The following PPP1R9B variants were observed in gnomAD, a reference collection of about 807,000 sequenced individuals.
PPP1R9B encodes the protein neurabin-2.
PPP1R9B carries 17 observed loss-of-function variants against 75.8 expected under a neutral mutation model. The observed-to-expected ratio is 0.22, with a 90% CI of 0.15 to 0.34. PPP1R9B has a LOEUF of 0.34. Among genes scored for constraint, PPP1R9B ranks in the 10% least tolerant of loss-of-function variants. The pLI is 1.00. For synonymous variants in PPP1R9B, 509 were observed against 535.4 expected (o/e 0.95, Z 0.68); for missense variants, 875 against 1,196.0 (o/e 0.73, Z 3.96).
chr17:50,134,099 C>T lies in PPP1R9B; in HGVS notation c.*1232G>A, dbSNP rs911997731. The T allele has an allele frequency of 2.6e-5, 4 of 152,590 alleles. No homozygotes were observed. The highest frequency in any genetic ancestry group is 2.6e-4 in the Admixed American group (4 of 15,284). 9.5% of individuals were successfully genotyped at this position (152,590 alleles called of 1,614,324 possible). ...TCTGTTTTTAAAAAATGAACAAAAACCCAGTTAGGGCAGGGGCATGAAGTG... is the reference window on the plus strand; with the variant it reads ...TCTGTTTTTAAAAAATGAACAAAAATCCAGTTAGGGCAGGGGCATGAAGTG... On this transcript the variant is annotated 3_prime_UTR_variant, in exon 10 of 10. Coordinates refer to ENST00000612501, the MANE Select transcript of PPP1R9B (RefSeq NM_032595.5).
At position 50,135,177 on chromosome 17, in the gene PPP1R9B, T is replaced by C. The variant is rs1343948432; in HGVS notation, c.*154A>G. ...AAGGGGGCCTGTGATATGAGCCCTC[T>C]GGTCCCTGAAGCTGGGGGAGGTGGG... On this transcript the variant is annotated 3_prime_UTR_variant, in exon 10 of 10. Transcript: ENST00000612501. The C allele has an allele frequency of 1.7e-6, 1 of 603,252 alleles. No individual in the cohort carries two copies. Among genetic ancestry groups the C allele is most frequent in the Non-Finnish European group, 2.9e-6 (1 of 348,348 alleles). The allele number at this position is 603,252 out of a possible 1,614,324, so 37.4% of individuals were successfully genotyped here.
intron 1 of PPP1R9B, among the ~76,000 whole-genome samples, chr17:50,148,370 C>A (rs1034060047): frequency 6.6e-6 from 1 of 152,216 alleles, no homozygotes; most frequent in African/African-American, 2.4e-5. Flanking sequence ...AAAGGCATGC[C>A]CACTACTGCC....
Position 50,139,346 on chromosome 17 carries a change from C to G in PPP1R9B, c.2020-30G>C. 6.2e-7 allele frequency: 1 copy of G among 1,613,962 alleles called. No homozygotes were observed. The highest frequency in any genetic ancestry group is 8.5e-7 in the Non-Finnish European group (1 of 1,179,886). On this transcript the variant is annotated intron_variant, in intron 6 of 9. Transcript: ENST00000612501. This position sits in a 1 kb window ranked among gnomAD's most constrained non-coding sequence, Gnocchi z 5.0. ...TGGGCAGAGGGGCAGGCACTCAGCT[C>G]CAGCAGGGTGGGGCAGGCAGTGCCA...
intron 7 of PPP1R9B, among the ~76,000 whole-genome samples, chr17:50,136,870 G>C (rs1427622608): frequency 6.6e-6 from 1 of 152,124 alleles, no homozygotes; most frequent in African/African-American, 2.4e-5. Context: ...TTAGCTCCCA[G>C]CTCCTCCCAG....
chr17:50,136,540 C>T (rs1184038428), intron 7 of PPP1R9B, among the ~76,000 whole-genome samples: 2 of 152,170 alleles, frequency 1.3e-5, no homozygotes, highest in Non-Finnish European at 2.9e-5. Flanking sequence ...ATGTGCCTCC[C>T]AATCTCACAA....
At chr17:50,141,174 C>CGT in intron 4 of PPP1R9B, 95 bp downstream of exon 4, 1 of 813,910 alleles carries the variant, frequency 1.2e-6, no homozygotes, top group Non-Finnish European at 2.0e-6. Flanking sequence ...TGAGCTGGGC[C>CGT]ACCAGAACCT....
chr17:50,148,461 G>A (rs945742628), intron 1 of PPP1R9B, among the ~76,000 whole-genome samples: 1 of 152,186 alleles, frequency 6.6e-6, no homozygotes, highest in Non-Finnish European at 1.5e-5. Context: ...ACCACACAAA[G>A]TGCCCCTCCC....
intron 2 of PPP1R9B, among the ~76,000 whole-genome samples, chr17:50,143,999 G>A (rs908658771): frequency 1.3e-5 from 2 of 152,168 alleles, no homozygotes; most frequent in African/African-American, 4.8e-5. Context: ...TGCAGACCAG[G>A]GCGTGTGGCC....
chr17:50,141,253 C>A lies in PPP1R9B; in HGVS notation c.1730+16G>T, dbSNP rs1411852503. ...CCTCCTGCCCGCTCCCACGCCCCAC[C>A]CCTCTGGGCTCTCACCGCACTCGGC... On this transcript the variant is annotated intron_variant, in intron 4 of 9. Transcript: ENST00000612501. 1.3e-6 allele frequency: 2 copies of A among 1,546,098 alleles called. No individual in the cohort carries two copies. Among genetic ancestry groups the A allele is most frequent in the South Asian group, 1.2e-5 (1 of 84,364 alleles).
At chr17:50,140,256 C>T (rs1444684727) in intron 4 of PPP1R9B, 28 bp from the exon 5 acceptor site, 3 of 1,572,168 alleles carry the variant, frequency 1.9e-6, no homozygotes, top group Non-Finnish European at 2.6e-6. Flanking sequence ...TCATCCGCTG[C>T]CTCTGTCCTC....
At position 50,140,189 on chromosome 17, in the gene PPP1R9B, T is replaced by C; in HGVS notation, c.1770A>G (p.Glu590=). Residue 590 remains glutamate, a synonymous_variant, in exon 5 of 10, where the codon GAA becomes GAG. Coordinates refer to ENST00000612501, the MANE Select transcript of PPP1R9B (RefSeq NM_032595.5). ...IGRERPGEQS[E]VAQLIQQTLE... ...AAGTCTGCTGAATTAGCTGGGCCACTTCGCTCTGCTCTCCCGGCCGCTCCC... is the reference window on the plus strand; with the variant it reads ...AAGTCTGCTGAATTAGCTGGGCCACCTCGCTCTGCTCTCCCGGCCGCTCCC... 1 of 1,608,682 alleles carries C rather than the reference T, an allele frequency of 6.2e-7. No individual in the cohort carries two copies. Among genetic ancestry groups the C allele is most frequent in the Non-Finnish European group, 8.5e-7 (1 of 1,177,652 alleles).
chr17:50,140,109 C>T lies in PPP1R9B; in HGVS notation c.1850G>A (p.Gly617Glu), dbSNP rs750493217. The T allele has an allele frequency of 6.2e-7, 1 of 1,613,532 alleles. No individual in the cohort carries two copies. The highest frequency in any genetic ancestry group is 1.7e-5 in the Admixed American group (1 of 59,948). The change falls in exon 5 of 10, where the codon GGG becomes GAG. Residue 617 changes from glycine to glutamate, a missense_variant. Physicochemically the swap from Gly to Glu is moderately conservative, Grantham distance 98. Around this residue, in one of 4 missense-constraint regions of PPP1R9B, gnomAD observed 218 missense variants for 334.6 expected, o/e 0.65. Coordinates refer to ENST00000612501, the MANE Select transcript of PPP1R9B (RefSeq NM_032595.5). ...ACTCCCTACCTCCTCGTCATCCTCC[C>T]CATACTGGGCGTATCTCTGCTCCAT... The part of the protein sequence containing the change: ...EMMEQRYAQY[G>E]EDDEETGEYA...
In PPP1R9B at chr17:50,139,450, C is replaced by T; in HGVS notation, c.1998G>A (p.Lys666=). 1 of 1,604,786 alleles carries T rather than the reference C, an allele frequency of 6.2e-7. No homozygotes were observed. The highest frequency in any genetic ancestry group is 1.3e-5 in the African/African-American group (1 of 74,912). ...CCACCTCCTTGAACTTGTGCACCAGCTTCTCGGGCTCCATGTCCACAGGGG... is the reference window on the plus strand; with the variant it reads ...CCACCTCCTTGAACTTGTGCACCAGTTTCTCGGGCTCCATGTCCACAGGGG... ...ALSPVDMEPE[K]LVHKFKELQI... Residue 666 remains lysine, a synonymous_variant, in exon 6 of 10, where the codon AAG becomes AAA. Coordinates refer to ENST00000612501, the MANE Select transcript of PPP1R9B (RefSeq NM_032595.5). The surrounding 1 kb of genome is among the most constrained non-coding windows in gnomAD (Gnocchi z 5.0).
At chr17:50,144,939 G>C (rs188371579) in intron 2 of PPP1R9B, among the ~76,000 whole-genome samples, 174 bp downstream of exon 2, 178 of 152,308 alleles carry the variant, frequency 1.2e-3, no homozygotes, top group African/African-American at 4.0e-3. Flanking sequence ...GGCCCTGTTT[G>C]CTCTGGGTGC....
In PPP1R9B at chr17:50,149,050, G is replaced by T; in HGVS notation, c.1371+93C>A. ...GGGCTGGGTGGCAGGGGCTGACTCAGCCTGCCAAACCCGGCTGGCTGGCTG... is the reference window on the plus strand; with the variant it reads ...GGGCTGGGTGGCAGGGGCTGACTCATCCTGCCAAACCCGGCTGGCTGGCTG... On this transcript the variant is annotated intron_variant, in intron 1 of 9. Coordinates refer to ENST00000612501, the MANE Select transcript of PPP1R9B (RefSeq NM_032595.5). This position sits in a 1 kb window ranked among gnomAD's most constrained non-coding sequence, Gnocchi z 7.2. The T allele has an allele frequency of 2.1e-6, 2 of 956,296 alleles. No individual in the cohort carries two copies. Among genetic ancestry groups the T allele is most frequent in the Non-Finnish European group, 2.9e-6 (2 of 699,576 alleles). 59.2% of individuals were successfully genotyped at this position (956,296 alleles called of 1,614,324 possible). A position where few individuals can be genotyped will look rare whatever the true frequency, so the allele number is the denominator to read the frequency against.
chr17:50,136,308 T>G, intron 7 of PPP1R9B, 111 bp from the exon 8 acceptor site: 3 of 833,466 alleles, frequency 3.6e-6, no homozygotes, highest in Non-Finnish European at 5.5e-6. Context: ...CGTTGTGGAG[T>G]CCATTGCACC....
chr17:50,148,621 G>A (rs1218973304), intron 1 of PPP1R9B, among the ~76,000 whole-genome samples: 1 of 152,260 alleles, frequency 6.6e-6, no homozygotes, highest in Non-Finnish European at 1.5e-5. Context: ...CAGAATAGAG[G>A]AAGGGCTGCC....
At chr17:50,140,349 G>T in intron 4 of PPP1R9B, 121 bp from the exon 5 acceptor site, 1 of 1,255,062 alleles carries the variant, frequency 8.0e-7, no homozygotes, top group South Asian at 1.5e-5. Flanking sequence ...TGAGAGGGCT[G>T]AGTCCGAAGG....
intron 7 of PPP1R9B, among the ~76,000 whole-genome samples, chr17:50,138,003 A>G (rs1912271788): frequency 1.3e-5 from 2 of 152,074 alleles, no homozygotes; most frequent in South Asian, 4.1e-4. Context: ...GTCTCTCCCC[A>G]CCACGGCAGA....
Sources: allele counts gnomAD v4.1 joint callset (sites outside exome capture counted in the v4.1 genomes callset), GRCh38; gene constraint gnomAD v4.1.1; regional missense constraint gnomAD v4.1.1; non-coding constraint Gnocchi (gnomAD v3.1); transcripts MANE v1.5; gene names NCBI Gene and HGNC (gene_info 2026-07-23, HGNC 2026-07-21).